ATAD2B: variants seen among roughly 807,000 people sequenced by gnomAD.
ATAD2B encodes the protein ATPase family AAA domain-containing protein 2B.
ATAD2B carries 40 observed loss-of-function variants against 167.6 expected under a neutral mutation model. The observed-to-expected ratio is 0.24, with a 90% CI of 0.19 to 0.31. The LOEUF is 0.31. Ranked by LOEUF, ATAD2B falls within the 10% of genes least tolerant of loss-of-function variation. The probability of loss-of-function intolerance (pLI) is 1.00; values close to 1 mark genes in which losing one functional copy is unlikely to be tolerated. For synonymous variants in ATAD2B, 579 were observed against 596.5 expected, an observed-to-expected ratio of 0.97 and a Z score of 0.43; for missense variants, 1,242 against 1,757.2, an observed-to-expected ratio of 0.71 and a Z score of 5.24.
At chr2:23,716,438 A>ATTGTTGTTGTTGTTG in the ATAD2B span, among the ~76,000 whole-genome samples, 5 of 150,090 alleles carry the variant, frequency 3.3e-5, no homozygotes, top group African/African-American at 4.9e-5. Context: ...GGGACCTTTC[A>ATTGTTGTTGTTGTTG]TTGTTGTTGT....
chr2:23,857,739 A>ATT lies in ATAD2B; in HGVS notation c.1480-238_1480-237dup, dbSNP rs34857462. Among the ~76,000 whole-genome samples the ATT allele has an allele frequency of 7.4e-3, 887 of 120,568 alleles. 27 individuals carry two copies. The highest frequency in any genetic ancestry group is 0.012 in the East Asian group (50 of 4,202). 79.1% of individuals were successfully genotyped at this position (120,568 alleles called of 152,430 possible). A position where few individuals can be genotyped will look rare whatever the true frequency, so the allele number is the denominator to read the frequency against. On this transcript the variant is annotated intron_variant, in intron 12 of 27. Transcript: ENST00000238789. The stretch of plus-strand genomic sequence containing the variant: ...CATACTTATACACAAACCAAAGTGT[A>ATT]TTTTTTTTTTTTTTTTTTTTGAGAC...
At chr2:23,703,699 C>G in the ATAD2B span, 1 of 1,526,812 alleles carries the variant, frequency 6.5e-7, no homozygotes, top group East Asian at 2.5e-5. Flanking sequence ...CGTGACCTGC[C>G]TGCTCTGCTC....
intron 12 of ATAD2B, among the ~76,000 whole-genome samples, chr2:23,859,159 T>C (rs887496139): frequency 6.6e-6 from 1 of 152,194 alleles, no homozygotes; most frequent in African/African-American, 2.4e-5. Flanking sequence ...GAATGTTATC[T>C]CATTTTATTT....
In ATAD2B at chr2:23,884,871, T is replaced by C. The variant is rs745999225; in HGVS notation, c.678A>G (p.Glu226=). The part of the protein sequence containing the change: ...RLRMWTDTEF[E]NMDMYSRVKR... ...TCACTCTTGAATACATATCCATGTT[T>C]TCCTTTTAAAGAAAGAAATCTGTCA... The change falls in exon 6 of 28, where the codon GAA becomes GAG. Residue 226 remains glutamate (E), a splice_region_variant and synonymous_variant. Coordinates refer to ENST00000238789, the MANE Select transcript of ATAD2B (RefSeq NM_017552.4). The C allele has an allele frequency of 1.9e-6, 3 of 1,542,228 alleles. No homozygotes were observed. The highest frequency in any genetic ancestry group is 4.6e-5 in the East Asian group (2 of 43,090).
intron 18 of ATAD2B, among the ~76,000 whole-genome samples, chr2:23,808,463 C>G (rs1685004767): frequency 1.3e-5 from 2 of 151,618 alleles, no homozygotes; most frequent in South Asian, 4.1e-4. Context: ...TTCTCATAGT[C>G]CCTTCATATT....
chr2:23,764,629 T>C (rs1228559209), intron 23 of ATAD2B, among the ~76,000 whole-genome samples: 1 of 152,132 alleles, frequency 6.6e-6, no homozygotes, highest in Non-Finnish European at 1.5e-5. Flanking sequence ...AAAAAACAAA[T>C]AATATAATGC....
At position 23,782,877 on chromosome 2, in the gene ATAD2B, T is replaced by C; in HGVS notation, c.3125A>G (p.Asp1042Gly). The change falls in exon 22 of 28, where the codon GAC becomes GGC. Residue 1042 changes from aspartate to glycine, a missense_variant. Asp to Gly is a moderately conservative substitution (Grantham distance 94). This residue lies in a region of ATAD2B where 204 missense variants were observed against 324.0 expected (regional missense o/e 0.63). Transcript: ENST00000238789. ...SNALEYNPDKDPGDKIIRHRA... is the reference protein window; with the variant it reads ...SNALEYNPDKGPGDKIIRHRA... ...GCCCTATGCATCCTTACCTCCTGGG[T>C]CCTTATCTGGATTATACTCTAAAGC... 2 of 1,610,084 alleles carry C rather than the reference T, an allele frequency of 1.2e-6. No individual in the cohort carries two copies. Among genetic ancestry groups the C allele is most frequent in the Non-Finnish European group, 1.7e-6 (2 of 1,178,098 alleles).
chr2:23,915,061 T>C (rs1425862240), intron 1 of ATAD2B, among the ~76,000 whole-genome samples: 1 of 152,190 alleles, frequency 6.6e-6, no homozygotes, highest in African/African-American at 2.4e-5. Flanking sequence ...TTTAGGTACC[T>C]ATCTCTTGAG....
rs550979436 is a variant in ATAD2B at position 23,869,934 on chromosome 2, A to G, written c.978-173T>C. Among the ~76,000 whole-genome samples, 473 of 152,234 alleles carry G rather than the reference A, an allele frequency of 3.1e-3. 2 individuals carry two copies. Among genetic ancestry groups the G allele is most frequent in the Non-Finnish European group, 5.7e-3 (385 of 67,998 alleles). On this transcript the variant is annotated intron_variant, in intron 8 of 27. Coordinates refer to ENST00000238789, the MANE Select transcript of ATAD2B (RefSeq NM_017552.4). ...TAAAGGTAGCAAGTTCTGCAGAGAA[A>G]AAGAAAAAAAAAGGCCTGTAATCCC...
At chr2:23,689,196 C>T in the ATAD2B span, 1 of 152,312 alleles carries the variant, frequency 6.6e-6, no homozygotes. Context: ...TGCAGATCAT[C>T]TGCCCAGCGG....
intron 2 of ATAD2B, among the ~76,000 whole-genome samples, chr2:23,892,465 TTTC>T (rs1699665869): frequency 6.8e-6 from 1 of 147,818 alleles, no homozygotes; most frequent in South Asian, 2.1e-4. Context: ...CGCCCGGTTT[TTTC>T]TTTTCTTTTT....
the ATAD2B span, among the ~76,000 whole-genome samples, chr2:23,741,339 T>C: frequency 6.6e-6 from 1 of 152,178 alleles, no homozygotes; most frequent in Non-Finnish European, 1.5e-5. Context: ...AGCATGGTAC[T>C]GGTACCAAAA....
intron 13 of ATAD2B, among the ~76,000 whole-genome samples, chr2:23,852,536 A>C (rs756052991): frequency 1.3e-5 from 2 of 152,208 alleles, no homozygotes; most frequent in Non-Finnish European, 2.9e-5. Context: ...AACTTTTTAT[A>C]TTAGCAAGTG....
chr2:23,747,163 G>A (rs1674933856), downstream of ATAD2B, among the ~76,000 whole-genome samples: 1 of 151,960 alleles, frequency 6.6e-6, no homozygotes, highest in South Asian at 2.1e-4. Context: ...AGGGAATACA[G>A]AAGAAATATA....
intron 1 of ATAD2B, among the ~76,000 whole-genome samples, chr2:23,910,810 G>A (rs1352135634): frequency 2.6e-5 from 4 of 152,132 alleles, no homozygotes; most frequent in Non-Finnish European, 5.9e-5. Flanking sequence ...GGAGGTTGCA[G>A]TGAGCCGGGG....
At position 23,850,138 on chromosome 2, in the gene ATAD2B, C is replaced by CAA. The variant is rs751139594; in HGVS notation, c.1568+7275_1568+7276dup. Among the ~76,000 whole-genome samples, 107 of 58,174 alleles carry CAA rather than the reference C, an allele frequency of 1.8e-3. 2 individuals are homozygous for CAA. Among genetic ancestry groups the CAA allele is most frequent in the African/African-American group, 3.8e-3 (67 of 17,766 alleles). 38.2% of individuals were successfully genotyped at this position (58,174 alleles called of 152,430 possible). A position where few individuals can be genotyped will look rare whatever the true frequency, so the allele number is the denominator to read the frequency against. On this transcript the variant is annotated intron_variant, in intron 13 of 27. Coordinates refer to ENST00000238789, the MANE Select transcript of ATAD2B (RefSeq NM_017552.4). The stretch of plus-strand genomic sequence containing the variant: ...TGGGCAACAGAGCAAGACTCCGTCT[C>CAA]AAAAAAAAAAAAAAAAAAAATGACT...
the ATAD2B span, among the ~76,000 whole-genome samples, chr2:23,715,507 G>A: frequency 6.6e-6 from 1 of 151,978 alleles, no homozygotes; most frequent in African/African-American, 2.4e-5. Flanking sequence ...CTGGGAGGCG[G>A]AGCTTGCAGT....
chr2:23,836,730 G>A (rs1235974948), intron 13 of ATAD2B, among the ~76,000 whole-genome samples: 1 of 152,080 alleles, frequency 6.6e-6, no homozygotes, highest in Non-Finnish European at 1.5e-5. Flanking sequence ...CTCTGCAGCT[G>A]GTCATCCTGA....
the ATAD2B span, among the ~76,000 whole-genome samples, chr2:23,731,861 T>C: frequency 2.0e-5 from 3 of 151,926 alleles, no homozygotes; most frequent in South Asian, 6.2e-4. Context: ...CCTTTAGTCC[T>C]AGCTACTCAG....
Sources: allele counts gnomAD v4.1 joint callset (sites outside exome capture counted in the v4.1 genomes callset), GRCh38; gene constraint gnomAD v4.1.1; regional missense constraint gnomAD v4.1.1; transcripts MANE v1.5; gene names NCBI Gene and HGNC (gene_info 2026-07-23, HGNC 2026-07-21).